Variants in NALF1 observed in about 807,000 individuals in gnomAD.
The protein encoded by NALF1 is NALCN channel auxiliary factor 1, also known as family with sequence similarity 155 member A.
In NALF1, 3 loss-of-function variants were observed where a neutral mutation model predicts 48.4. The observed-to-expected ratio is 0.06, with a 90% CI of 0.03 to 0.16. The LOEUF (loss-of-function observed/expected upper bound fraction) is 0.16, where lower values mean the gene tolerates loss of function less well. Ranked by LOEUF, NALF1 falls within the 10% of genes least tolerant of loss-of-function variation. NALF1 has a pLI of 1.00. For synonymous variants in NALF1, 262 were observed against 245.7 expected (o/e 1.07, Z -0.62); for missense variants, 526 against 571.5 (o/e 0.92, Z 0.81).
chr13:107,164,641 G>C lies in NALF1; in HGVS notation c.*5856C>G, dbSNP rs1039863345. 6 of 151,902 alleles carry C rather than the reference G, an allele frequency of 3.9e-5. No homozygotes were observed. Among genetic ancestry groups the C allele is most frequent in the African/African-American group, 1.5e-4 (6 of 41,364 alleles). 9.4% of individuals were successfully genotyped at this position (151,902 alleles called of 1,614,324 possible). ...CTTTAACTTTTGCTTGTCAGTAGTA[G>C]CCTTTTGGGAGTGGAAATCGAAAAT... On this transcript the variant is annotated 3_prime_UTR_variant, in exon 3 of 3. Transcript: ENST00000375915.
chr13:107,488,514 CA>C (rs1238304487), intron 1 of NALF1, among the ~76,000 whole-genome samples: 7 of 151,772 alleles, frequency 4.6e-5, no homozygotes, highest in South Asian at 2.1e-4. Flanking sequence ...GAACTGAAGA[CA>C]AAAAAACCAC....
At chr13:107,779,807 G>C (rs944265515) in intron 1 of NALF1, among the ~76,000 whole-genome samples, 5 of 152,048 alleles carry the variant, frequency 3.3e-5, no homozygotes, top group African/African-American at 7.3e-5. Context: ...AAAACCTCAG[G>C]AAACATATTT....
intron 1 of NALF1, among the ~76,000 whole-genome samples, chr13:107,727,850 G>T (rs188641480): frequency 6.6e-6 from 1 of 152,160 alleles, no homozygotes; most frequent in Non-Finnish European, 1.5e-5. Context: ...ACAAACAACT[G>T]TATCCAAAAG....
intron 1 of NALF1, among the ~76,000 whole-genome samples, chr13:107,659,118 C>CACAG (rs915190267): frequency 2.0e-5 from 3 of 148,518 alleles, no homozygotes; most frequent in African/African-American, 2.6e-5. Context: ...CACACAGACA[C>CACAG]ACACACACAC....
rs183795356 is a variant in NALF1 at position 107,610,976 on chromosome 13, G to A, written c.915+254706C>T. ...TTTTGAAAATGATGCTGCAGGCCAC[G>A]TATAGATGAGTAGGAAGGTGGAAGG... On this transcript the variant is annotated intron_variant, in intron 1 of 2. Coordinates refer to ENST00000375915, the MANE Select transcript of NALF1 (RefSeq NM_001080396.3). Among the ~76,000 whole-genome samples, 55 of 152,260 alleles carry A rather than the reference G, an allele frequency of 3.6e-4. No homozygotes were observed. In the East Asian group the frequency reaches 7.5e-3, roughly 21 times the overall value.
At chr13:107,341,297 A>G (rs1271348493) in intron 1 of NALF1, among the ~76,000 whole-genome samples, 1 of 152,196 alleles carries the variant, frequency 6.6e-6, no homozygotes, top group African/African-American at 2.4e-5. Flanking sequence ...TTGAAAACAT[A>G]GAATGCAATG....
At chr13:107,616,016 G>C (rs146847246) in intron 1 of NALF1, among the ~76,000 whole-genome samples, 1 of 152,106 alleles carries the variant, frequency 6.6e-6, no homozygotes, top group African/African-American at 2.4e-5. Flanking sequence ...AATTAAATGA[G>C]CAAGTGTATC....
chr13:107,257,178 C>T (rs1880833490), intron 1 of NALF1, among the ~76,000 whole-genome samples: 1 of 152,070 alleles, frequency 6.6e-6, no homozygotes, highest in South Asian at 2.1e-4. Flanking sequence ...ATGGGGAAAC[C>T]ACCTCCATGA....
intron 1 of NALF1, among the ~76,000 whole-genome samples, chr13:107,472,405 G>T (rs1347679938): frequency 6.6e-6 from 1 of 152,148 alleles, no homozygotes; most frequent in Non-Finnish European, 1.5e-5. Context: ...AACTTGATTG[G>T]ATTGAAGGAT....
intron 1 of NALF1, among the ~76,000 whole-genome samples, chr13:107,357,465 C>A (rs1412721765): frequency 6.6e-6 from 1 of 152,030 alleles, no homozygotes; most frequent in Non-Finnish European, 1.5e-5. Context: ...CAGAGCCAAG[C>A]CATATCAATC....
At chr13:107,544,938 C>A (rs147067702) in intron 1 of NALF1, among the ~76,000 whole-genome samples, 2 of 152,056 alleles carry the variant, frequency 1.3e-5, no homozygotes, top group Non-Finnish European at 2.9e-5. Context: ...CATGACTGTG[C>A]GACAACACAG....
intron 1 of NALF1, among the ~76,000 whole-genome samples, chr13:107,530,780 G>C (rs1876602028): frequency 6.6e-6 from 1 of 152,016 alleles, no homozygotes; most frequent in Non-Finnish European, 1.5e-5. Flanking sequence ...AATCATTTGT[G>C]AAAAGCAGCT....
rs1212333323 is a variant in NALF1 at position 107,164,415 on chromosome 13, T to A, written c.*6082A>T. On this transcript the variant is annotated 3_prime_UTR_variant, in exon 3 of 3. Transcript: ENST00000375915. ...ATTAATTCAGTTTAATTAATTTTCATAATAAATGTTCCAATTTAAACATTT... is the reference window on the plus strand; with the variant it reads ...ATTAATTCAGTTTAATTAATTTTCAAAATAAATGTTCCAATTTAAACATTT... 1 of 152,104 alleles carries A rather than the reference T, an allele frequency of 6.6e-6. No homozygotes were observed. The highest frequency in any genetic ancestry group is 1.5e-5 in the Non-Finnish European group (1 of 68,028). The allele number at this position is 152,104 out of a possible 1,614,324, so 9.4% of individuals were successfully genotyped here.
intron 1 of NALF1, among the ~76,000 whole-genome samples, chr13:107,608,919 C>T (rs1245562825): frequency 6.6e-6 from 1 of 152,192 alleles, no homozygotes; most frequent in Non-Finnish European, 1.5e-5. Context: ...AAGAGTGGGA[C>T]ACCTGTGCTG....
rs778038174 is a variant in NALF1 at position 107,696,843 on chromosome 13, C to T, written c.915+168839G>A. 3.9e-5 allele frequency among the ~76,000 whole-genome samples: 6 copies of T among 152,126 alleles called. No homozygotes were observed. The East Asian group carries it at 9.7e-4, about 25-fold the overall frequency. On this transcript the variant is annotated intron_variant, in intron 1 of 2. Transcript: ENST00000375915. ...CCTGGGTTTTGTATTTTGTAGATTG[C>T]GTCCTTGCCTTTACCCTACCCTACA...
At chr13:107,831,726 T>C (rs952754921) in intron 1 of NALF1, among the ~76,000 whole-genome samples, 1 of 152,174 alleles carries the variant, frequency 6.6e-6, no homozygotes, top group Non-Finnish European at 1.5e-5. Context: ...AAGAGTATTT[T>C]GTAACAAGAT....
intron 1 of NALF1, among the ~76,000 whole-genome samples, chr13:107,664,286 G>C (rs889769610): frequency 1.3e-5 from 2 of 152,056 alleles, no homozygotes; most frequent in African/African-American, 4.8e-5. Context: ...CTTCCGGTGA[G>C]ACTTACAACC....
chr13:107,420,030 C>T (rs773746645), intron 1 of NALF1, among the ~76,000 whole-genome samples: 12 of 152,100 alleles, frequency 7.9e-5, no homozygotes, highest in Non-Finnish European at 1.2e-4. Context: ...GTTTAAACTC[C>T]GGGAAGCCAT....
intron 1 of NALF1, among the ~76,000 whole-genome samples, chr13:107,498,666 C>G (rs1200724674): frequency 6.6e-6 from 1 of 152,054 alleles, no homozygotes; most frequent in Non-Finnish European, 1.5e-5. Flanking sequence ...CAATCTCAAT[C>G]AGGAAGGGAA....
Sources: allele counts gnomAD v4.1 joint callset (sites outside exome capture counted in the v4.1 genomes callset), GRCh38; gene constraint gnomAD v4.1.1; transcripts MANE v1.5; gene names NCBI Gene and HGNC (gene_info 2026-07-23, HGNC 2026-07-21).